The following CTNND2 variants were observed in gnomAD, a reference collection of about 807,000 sequenced individuals.
The protein encoded by CTNND2 is catenin delta 2.
In CTNND2, 22 loss-of-function variants were observed where a neutral mutation model predicts 144.4. The ratio of observed to expected loss-of-function variants is 0.15; its 90% CI spans 0.11 to 0.22. The LOEUF is 0.22. CTNND2 is among the 10% of genes least tolerant of loss of function. The pLI is 1.00. For missense variants in CTNND2, 1,353 were observed against 1,618.8 expected (o/e 0.84, Z 2.82); for synonymous variants, 751 against 695.6 (o/e 1.08, Z -1.25).
intron 2 of CTNND2, among the ~76,000 whole-genome samples, chr5:11,682,087 G>A (rs1411662166): frequency 6.6e-6 from 1 of 152,182 alleles, no homozygotes; most frequent in Non-Finnish European, 1.5e-5. Context: ...TATCTGTAAC[G>A]TCCTGCCATT....
chr5:11,103,081 G>A (rs1488081930), intron 14 of CTNND2, among the ~76,000 whole-genome samples: 1 of 147,552 alleles, frequency 6.8e-6, no homozygotes, highest in East Asian at 2.0e-4. Flanking sequence ...TCCTGGGTTG[G>A]AGCAATTCTC....
At chr5:11,348,253 A>G (rs1754991357) in intron 8 of CTNND2, among the ~76,000 whole-genome samples, 1 of 152,158 alleles carries the variant, frequency 6.6e-6, no homozygotes, top group African/African-American at 2.4e-5. Context: ...CGTTTCTCCA[A>G]AGTATTACCA....
At chr5:11,676,415 TG>T (rs1784176441) in intron 2 of CTNND2, among the ~76,000 whole-genome samples, 1 of 151,994 alleles carries the variant, frequency 6.6e-6, no homozygotes, top group Non-Finnish European at 1.5e-5. Flanking sequence ...ACCCAATTTA[TG>T]GGGGCAGGGG....
intron 1 of CTNND2, among the ~76,000 whole-genome samples, chr5:11,829,690 C>T (rs1294075289): frequency 2.0e-5 from 3 of 152,182 alleles, no homozygotes; most frequent in African/African-American, 7.2e-5. Flanking sequence ...AACCTCTACT[C>T]GGGCAGTGCA....
intron 15 of CTNND2, among the ~76,000 whole-genome samples, chr5:11,087,558 G>A (rs1432308067): frequency 6.6e-6 from 1 of 152,170 alleles, no homozygotes; most frequent in East Asian, 1.9e-4. Context: ...GAAGTCAGGT[G>A]TTGGCTCTTC....
In CTNND2 at chr5:11,412,084, A is replaced by G. The variant is rs1235102828; in HGVS notation, c.288-15T>C. 1 of 1,601,424 alleles carries G rather than the reference A, an allele frequency of 6.2e-7. No homozygotes were observed. Among genetic ancestry groups the G allele is most frequent in the South Asian group, 1.1e-5 (1 of 90,748 alleles). ...CTTCTGCTGAACTGTAAAAAAGAAA[A>G]TACAGAGATATAATGCATTGATTAG... On this transcript the variant is annotated splice_polypyrimidine_tract_variant and intron_variant, in intron 3 of 21. Transcript: ENST00000304623.
intron 12 of CTNND2, among the ~76,000 whole-genome samples, chr5:11,129,287 A>AATAAAT (rs1755299270): frequency 1.3e-5 from 1 of 74,158 alleles, no homozygotes; most frequent in African/African-American, 5.1e-5. Context: ...ATTATATAAA[A>AATAAAT]ATATATAATA....
In CTNND2 at chr5:11,641,689, T is replaced by TGTGTATATACATATAC. The variant is rs1561648666; in HGVS notation, c.175-76634_175-76633insGTATATGTATATACAC. 6.1e-4 allele frequency among the ~76,000 whole-genome samples: 71 copies of TGTGTATATACATATAC among 115,760 alleles called. 1 individual carries two copies. The highest frequency in any genetic ancestry group is 2.4e-3 in the African/African-American group (59 of 24,312). The allele number at this position is 115,760 out of a possible 152,430, so 75.9% of individuals were successfully genotyped here. On this transcript the variant is annotated intron_variant, in intron 2 of 21. Coordinates refer to ENST00000304623, the MANE Select transcript of CTNND2 (RefSeq NM_001332.4). ...ATATACGTGTGTATATACATATACG[T>TGTGTATATACATATAC]GTGTGTATATACATATACGTGTGTG...
intron 3 of CTNND2, among the ~76,000 whole-genome samples, chr5:11,469,867 T>TTTGCA (rs1767006288): frequency 6.6e-6 from 1 of 152,174 alleles, no homozygotes; most frequent in Admixed American, 6.5e-5. Flanking sequence ...ATTCCACTGC[T>TTTGCA]TTGCACCTTG....
At chr5:11,106,931 G>C (rs1752481997) in intron 14 of CTNND2, among the ~76,000 whole-genome samples, 1 of 152,112 alleles carries the variant, frequency 6.6e-6, no homozygotes, top group African/African-American at 2.4e-5. Flanking sequence ...CTGAACTGTG[G>C]ATGTGAAGAG....
At chr5:11,105,129 G>C (rs1022864047) in intron 14 of CTNND2, among the ~76,000 whole-genome samples, 1 of 152,182 alleles carries the variant, frequency 6.6e-6, no homozygotes, top group African/African-American at 2.4e-5. Context: ...ACCAACTGGG[G>C]CATCACTGAT....
At chr5:11,689,972 A>C (rs6889692) in intron 2 of CTNND2, among the ~76,000 whole-genome samples, 80 of 152,346 alleles carry the variant, frequency 5.3e-4, no homozygotes, top group African/African-American at 1.9e-3. Flanking sequence ...CTTCCTACAC[A>C]GTACTGTGAA....
intron 9 of CTNND2, among the ~76,000 whole-genome samples, chr5:11,334,419 C>T (rs1337667042): frequency 6.6e-6 from 1 of 152,116 alleles, no homozygotes; most frequent in East Asian, 1.9e-4. Flanking sequence ...AGTCAGTGTT[C>T]CAACCACCTG....
chr5:11,173,477 T>C (rs966048687), intron 11 of CTNND2, among the ~76,000 whole-genome samples: 1 of 152,218 alleles, frequency 6.6e-6, no homozygotes, highest in African/African-American at 2.4e-5. Flanking sequence ...AGTGTTCTTT[T>C]CATGTCCTGT....
intron 1 of CTNND2, among the ~76,000 whole-genome samples, chr5:11,896,745 T>C (rs1196909970): frequency 6.6e-6 from 1 of 151,928 alleles, no homozygotes; most frequent in Non-Finnish European, 1.5e-5. Flanking sequence ...CATTTGGGAG[T>C]GGGTATGTGT....
In CTNND2 at chr5:11,091,937, T is replaced by A. The variant is rs1411075050; in HGVS notation, c.2637+6638A>T. Among the ~76,000 whole-genome samples the A allele has an allele frequency of 2.0e-5, 3 of 152,346 alleles. No homozygotes were observed. The East Asian group carries it at 5.8e-4, about 29-fold the overall frequency. ...TCCTCTGCACATCTCTAGGGTTCTA[T>A]GTGTGGCTCTCTCCTCTTTGATATT... On this transcript the variant is annotated intron_variant, in intron 15 of 21. Coordinates refer to ENST00000304623, the MANE Select transcript of CTNND2 (RefSeq NM_001332.4).
At chr5:11,423,769 A>C (rs1390370307) in intron 3 of CTNND2, among the ~76,000 whole-genome samples, 1 of 152,220 alleles carries the variant, frequency 6.6e-6, no homozygotes, top group East Asian at 1.9e-4. Context: ...TCAAACCCTG[A>C]ATATTGGATT....
intron 9 of CTNND2, among the ~76,000 whole-genome samples, chr5:11,285,003 C>G (rs777708801): frequency 1.7e-4 from 26 of 152,222 alleles, no homozygotes; most frequent in Non-Finnish European, 1.5e-4. Context: ...AAGCCTTCTT[C>G]TCAATGAGAG....
At chr5:11,163,652 CCCAGGACACTT>C (rs1425957406) in intron 11 of CTNND2, among the ~76,000 whole-genome samples, 1 of 152,162 alleles carries the variant, frequency 6.6e-6, no homozygotes, top group South Asian at 2.1e-4. Flanking sequence ...CTCTCGCCTT[CCCAGGACACTT>C]TAATTCTTAC....
Sources: gnomAD v4.1 joint callset for allele counts (sites outside exome capture counted in the v4.1 genomes callset) on GRCh38, gnomAD v4.1.1 for gene constraint, MANE v1.5 for transcripts, NCBI Gene and HGNC (gene_info 2026-07-23, HGNC 2026-07-21) for gene names.